Variants in CAP1 observed in about 807,000 individuals in gnomAD.
CAP1 encodes the protein adenylyl cyclase-associated protein 1.
Under a neutral mutation model 58.2 loss-of-function variants are expected in CAP1, and 11 were observed. The observed-to-expected ratio is 0.19, with a 90% confidence interval of 0.12 to 0.31. The LOEUF (loss-of-function observed/expected upper bound fraction) is 0.31, where lower values mean the gene tolerates loss of function less well. Among genes scored for constraint, CAP1 ranks in the 10% least tolerant of loss-of-function variants. The pLI is 1.00. For missense variants in CAP1, 423 were observed against 587.5 expected (o/e 0.72, Z 2.89); for synonymous variants, 183 against 213.8 (o/e 0.86, Z 1.26).
chr1:40,057,610 C>CTA (rs1646673655), intron 1 of CAP1: 1 of 152,032 alleles, frequency 6.6e-6, no homozygotes, highest in Non-Finnish European at 1.5e-5. Context: ...TGGACAGAGA[C>CTA]TATATTGTCT....
rs748687235 is a variant in CAP1 at position 40,066,334 on chromosome 1, T to TCCTCCCTC, written c.630+29_630+36dup. On this transcript the variant is annotated intron_variant, in intron 7 of 12. Transcript: ENST00000372805. ...TGGAGCAAAACGGTTAGTGAATCCT[T>TCCTCCCTC]CCTCCCTCCCTCCCTCCCTCCCACT... 2.2e-6 allele frequency: 3 copies of TCCTCCCTC among 1,392,082 alleles called. No homozygotes were observed. The highest frequency in any genetic ancestry group is 2.3e-5 in the East Asian group (1 of 43,706). The allele number at this position is 1,392,082 out of a possible 1,614,324, so 86.2% of individuals were successfully genotyped here.
intron 1 of CAP1, among the ~76,000 whole-genome samples, chr1:40,051,759 C>CG (rs1382283834): frequency 3.3e-5 from 5 of 151,796 alleles, no homozygotes; most frequent in Non-Finnish European, 5.9e-5. Context: ...TTATTAGAGA[C>CG]GGGGTTTCAC....
Position 40,064,865 on chromosome 1 carries a change from T to C in CAP1, c.524+306T>C, listed in dbSNP as rs367901520. Among the ~76,000 whole-genome samples, 11 of 152,266 alleles carry C rather than the reference T, an allele frequency of 7.2e-5. No homozygotes were observed. The South Asian group carries it at 2.3e-3, about 32-fold the overall frequency. On this transcript the variant is annotated intron_variant, in intron 6 of 12. Transcript: ENST00000372805. ...GTGTGAGCCACTGTGCCCAGCCAAG[T>C]TCAGCTTTTTCTCAAGGGGTAAAGG... is the stretch of plus-strand genomic sequence containing the variant.
chr1:40,045,642 C>A (rs747577887), intron 1 of CAP1, among the ~76,000 whole-genome samples: 5 of 151,928 alleles, frequency 3.3e-5, no homozygotes, highest in Non-Finnish European at 5.9e-5. Flanking sequence ...TGCAACCTCC[C>A]CCTCCCGGGT....
At position 40,045,968 on chromosome 1, in the gene CAP1, A is replaced by G. The variant is rs566861271; in HGVS notation, c.-11+5167A>G. ...CTCCTGAGTCACTGGGATTACAGGC[A>G]TGAGCCACCACACCTGGCAGATGTG... On this transcript the variant is annotated intron_variant, in intron 1 of 12. Transcript: ENST00000372805. Among the ~76,000 whole-genome samples, 4 of 152,274 alleles carry G rather than the reference A, an allele frequency of 2.6e-5. No individual in the cohort carries two copies. In the South Asian group the frequency reaches 8.3e-4, roughly 32 times the overall value.
intron 3 of CAP1, 86 bp from the exon 4 acceptor site, chr1:40,061,649 A>C: frequency 9.5e-7 from 1 of 1,055,294 alleles, no homozygotes; most frequent in Non-Finnish European, 1.5e-6. Flanking sequence ...CTATCAGAGT[A>C]CATGGAAGTA....
intron 1 of CAP1, among the ~76,000 whole-genome samples, chr1:40,042,279 G>A (rs989224558): frequency 2.6e-5 from 4 of 152,304 alleles, no homozygotes; most frequent in African/African-American, 9.6e-5. Context: ...AGTGGGAGAG[G>A]AAATAGACAA....
chr1:40,065,179 A>G (rs1012639615), intron 6 of CAP1, among the ~76,000 whole-genome samples: 1 of 152,170 alleles, frequency 6.6e-6, no homozygotes. Flanking sequence ...TTTGTTGAGA[A>G]TTTGTTACTG....
intron 1 of CAP1, 85 bp from the exon 2 acceptor site, chr1:40,059,252 G>A: frequency 1.3e-6 from 1 of 742,758 alleles, no homozygotes; most frequent in Admixed American, 2.1e-5. Context: ...CATCCACCTG[G>A]GGATGACCAG....
chr1:40,070,988 C>A lies in CAP1; in HGVS notation c.1344+9C>A, dbSNP rs765069514. On this transcript the variant is annotated intron_variant, in intron 12 of 12. Coordinates refer to ENST00000372805, the MANE Select transcript of CAP1 (RefSeq NM_006367.4). ...CAGAAGGCGGTGACTTTGTAAGTTTCTTGATCTCTTTAGTATGATGTTAAA... is the reference window on the plus strand; with the variant it reads ...CAGAAGGCGGTGACTTTGTAAGTTTATTGATCTCTTTAGTATGATGTTAAA... 1 of 1,606,806 alleles carries A rather than the reference C, an allele frequency of 6.2e-7. No individual in the cohort carries two copies. The highest frequency in any genetic ancestry group is 1.1e-5 in the South Asian group (1 of 90,428).
At chr1:40,055,661 C>A (rs1049481531) in intron 1 of CAP1, among the ~76,000 whole-genome samples, 2 of 152,144 alleles carry the variant, frequency 1.3e-5, no homozygotes, top group Non-Finnish European at 2.9e-5. Flanking sequence ...TGTACACCAC[C>A]ATGCTTGGAA....
At chr1:40,065,110 T>A (rs1359659266) in intron 6 of CAP1, among the ~76,000 whole-genome samples, 1 of 152,206 alleles carries the variant, frequency 6.6e-6, no homozygotes, top group Non-Finnish European at 1.5e-5. Flanking sequence ...CCCTTCTGGG[T>A]TTAGGAAGTT....
chr1:40,051,670 G>A (rs372187557), intron 1 of CAP1, among the ~76,000 whole-genome samples: 5 of 152,242 alleles, frequency 3.3e-5, no homozygotes, highest in African/African-American at 1.2e-4. Flanking sequence ...CCGCCTCCCG[G>A]GTTCATGCCA....
chr1:40,054,113 C>T (rs1236710897), intron 1 of CAP1, among the ~76,000 whole-genome samples: 1 of 142,308 alleles, frequency 7.0e-6, no homozygotes, highest in East Asian at 2.0e-4. Context: ...AGAAGATAGC[C>T]ACACTGTGTT....
chr1:40,058,161 T>G (rs144775292), intron 1 of CAP1, among the ~76,000 whole-genome samples: 29 of 152,372 alleles, frequency 1.9e-4, no homozygotes, highest in Non-Finnish European at 3.2e-4. Flanking sequence ...GATAAGATAG[T>G]ACTTGTGAAA....
intron 7 of CAP1, among the ~76,000 whole-genome samples, chr1:40,066,526 T>C (rs564559958): frequency 6.6e-6 from 1 of 152,338 alleles, no homozygotes; most frequent in East Asian, 1.9e-4. Context: ...TTCAGTGGTA[T>C]TCAATTTCAA....
At chr1:40,051,102 G>GC (rs1474757636) in intron 1 of CAP1, among the ~76,000 whole-genome samples, 1 of 151,996 alleles carries the variant, frequency 6.6e-6, no homozygotes, top group African/African-American at 2.4e-5. Context: ...CCAAGCTACC[G>GC]CCAGTCCTCA....
chr1:40,048,339 GGCCTTACAGGCATGAGCCATTGC>G (rs1646200499), intron 1 of CAP1, among the ~76,000 whole-genome samples: 1 of 113,572 alleles, frequency 8.8e-6, no homozygotes, highest in African/African-American at 4.0e-5. Flanking sequence ...CATTGCACCT[GGCCTTACAGGCATGAGCCATTGC>G]ACCTGGCCTA....
Position 40,059,384 on chromosome 1 carries a change from G to A in CAP1, c.38G>A (p.Arg13Lys). The A allele has an allele frequency of 6.2e-7, 1 of 1,613,768 alleles. No homozygotes were observed. Among genetic ancestry groups the A allele is most frequent in the South Asian group, 1.1e-5 (1 of 91,070 alleles). Residue 13 changes from arginine to lysine, a missense_variant, in exon 2 of 13, where the codon AGG (arginine) becomes AAG (lysine). Physicochemically the swap from Arg to Lys is conservative, Grantham distance 26. Transcript: ENST00000372805. Reference protein sequence around the residue: ...DMQNLVERLERAVGRLEAVSH... With the variant: ...DMQNLVERLEKAVGRLEAVSH... ...CAAAATCTGGTAGAAAGATTGGAGAGGGCAGTGGGCCGCCTGGAGGCAGTA... is the reference window on the plus strand; with the variant it reads ...CAAAATCTGGTAGAAAGATTGGAGAAGGCAGTGGGCCGCCTGGAGGCAGTA...
Sources: allele counts gnomAD v4.1 joint callset (sites outside exome capture counted in the v4.1 genomes callset), GRCh38; gene constraint gnomAD v4.1.1; transcripts MANE v1.5; gene names NCBI Gene and HGNC (gene_info 2026-07-23, HGNC 2026-07-21).